CDK13: variants seen among roughly 807,000 people sequenced by gnomAD.
CDK13 encodes the protein cyclin dependent kinase 13.
CDK13 carries 40 observed loss-of-function variants against 137.6 expected under a neutral mutation model. That is an observed-to-expected ratio of 0.29 (90% CI 0.23 to 0.38). The LOEUF (loss-of-function observed/expected upper bound fraction) is 0.38, where lower values mean the gene tolerates loss of function less well. Among genes scored for constraint, CDK13 ranks in the 10% least tolerant of loss-of-function variants. The probability of loss-of-function intolerance (pLI) is 1.00; values close to 1 mark genes in which losing one functional copy is unlikely to be tolerated. For missense variants in CDK13, 1,704 were observed against 1,951.8 expected, an observed-to-expected ratio of 0.87 and a Z score of 2.39; for synonymous variants, 869 against 760.1, an observed-to-expected ratio of 1.14 and a Z score of -2.36.
intron 9 of CDK13, among the ~76,000 whole-genome samples, chr7:40,074,522 CAAAAAA>C (rs34228836): frequency 1.3e-5 from 1 of 78,076 alleles, no homozygotes; most frequent in South Asian, 4.5e-4. Flanking sequence ...GACACCATCT[CAAAAAA>C]AAAAAAAAAA....
intron 11 of CDK13, among the ~76,000 whole-genome samples, chr7:40,079,874 A>G (rs1408061197): frequency 6.6e-6 from 1 of 152,186 alleles, no homozygotes; most frequent in African/African-American, 2.4e-5. Flanking sequence ...GTAACTTCAA[A>G]TGGCTCCTGT....
At chr7:39,981,853 A>C (rs1039244693) in intron 1 of CDK13, among the ~76,000 whole-genome samples, 4 of 147,992 alleles carry the variant, frequency 2.7e-5, no homozygotes, top group African/African-American at 1.0e-4. Flanking sequence ...GTGCAGCGGC[A>C]CAATCTCGGC....
chr7:39,967,064 C>A (rs17496171), intron 1 of CDK13, among the ~76,000 whole-genome samples: 1 of 152,070 alleles, frequency 6.6e-6, no homozygotes, highest in African/African-American at 2.4e-5. Context: ...GGTTCAGGGA[C>A]CCACTTGAGG....
chr7:40,081,616 G>T (rs1053996595), intron 11 of CDK13, among the ~76,000 whole-genome samples: 1 of 151,988 alleles, frequency 6.6e-6, no homozygotes, highest in Admixed American at 6.6e-5. Flanking sequence ...TAAATTTCAC[G>T]TTTCCTGTGA....
chr7:40,018,272 G>A (rs1393613609), intron 5 of CDK13, among the ~76,000 whole-genome samples: 1 of 151,852 alleles, frequency 6.6e-6, no homozygotes, highest in Non-Finnish European at 1.5e-5. Flanking sequence ...AGAGTAATTA[G>A]GGATGTAGTA....
Position 40,055,156 on chromosome 7 carries a change from C to CTGTGTGTGTGTG in CDK13, c.2600+7309_2600+7320dup, listed in dbSNP as rs56001601. 2.3e-3 allele frequency among the ~76,000 whole-genome samples: 320 copies of CTGTGTGTGTGTG among 140,426 alleles called. 2 individuals carry two copies. The highest frequency in any genetic ancestry group is 7.8e-3 in the African/African-American group (294 of 37,464). The allele number at this position is 140,426 out of a possible 152,430, so 92.1% of individuals were successfully genotyped here. A position where few individuals can be genotyped will look rare whatever the true frequency, so the allele number is the denominator to read the frequency against. On this transcript the variant is annotated intron_variant, in intron 7 of 13. Transcript: ENST00000181839. ...GTTTTCCAATTTAATGGCAGAAGGA[C>CTGTGTGTGTGTG]TGTGTGTGTGTGTGTGTGTGTGTGT...
intron 7 of CDK13, chr7:40,048,878 C>G (rs898736959): frequency 2.6e-5 from 4 of 151,322 alleles, no homozygotes; most frequent in African/African-American, 7.4e-5. Flanking sequence ...TGTTTTGGAT[C>G]TATTCAAGTT....
rs188748717 is a variant in CDK13 at position 40,036,979 on chromosome 7, A to G, written c.2354-8857A>G. Among the ~76,000 whole-genome samples, 337 of 152,300 alleles carry G rather than the reference A, an allele frequency of 2.2e-3. 1 individual carries two copies. The highest frequency in any genetic ancestry group is 1.5e-3 in the Non-Finnish European group (104 of 68,020). On this transcript the variant is annotated intron_variant, in intron 5 of 13. Transcript: ENST00000181839. ...GATGGCATGTTATTCATATTAATTA[A>G]TATTTTAAGTCTCATAATTTATAGT...
chr7:40,088,949 A>C (rs769895632), intron 12 of CDK13, among the ~76,000 whole-genome samples: 23 of 152,048 alleles, frequency 1.5e-4, no homozygotes, highest in Non-Finnish European at 1.5e-5. Context: ...GCGTGGTGGC[A>C]CACACCTGTA....
chr7:39,987,864 T>A lies in CDK13; in HGVS notation c.1477T>A (p.Ser493Thr). 1 of 1,614,144 alleles carries A rather than the reference T, an allele frequency of 6.2e-7. No homozygotes were observed. Among genetic ancestry groups the A allele is most frequent in the Non-Finnish European group, 8.5e-7 (1 of 1,180,022 alleles). ...AAKAAKASNT[S>T]TPTKGNTETS... ...CAAGGCTGCAAAAGCTTCAAACACT[T>A]CTACACCTACCAAGGGGAACACGGA... is the stretch of plus-strand genomic sequence containing the variant. The change falls in exon 2 of 14, where the codon TCT (serine) becomes ACT (threonine). Residue 493 changes from serine to threonine, a missense_variant. Physicochemically the swap from Ser to Thr is moderately conservative, Grantham distance 58. This residue lies in a region of CDK13 where 1,051 missense variants were observed against 931.0 expected (regional missense o/e 1.13). Transcript: ENST00000181839.
At chr7:40,076,453 G>A (rs1386903599) in intron 9 of CDK13, among the ~76,000 whole-genome samples, 2 of 152,174 alleles carry the variant, frequency 1.3e-5, no homozygotes, top group Admixed American at 1.3e-4. Context: ...GGAGTGGCCT[G>A]TGGGGAGAGA....
intron 2 of CDK13, among the ~76,000 whole-genome samples, chr7:39,992,551 A>G (rs2116290468): frequency 6.6e-6 from 1 of 151,966 alleles, no homozygotes; most frequent in East Asian, 2.0e-4. Context: ...CCCAAGAATA[A>G]GGTCAGTCTC....
intron 2 of CDK13, among the ~76,000 whole-genome samples, chr7:39,989,887 G>A (rs1021490967): frequency 4.0e-5 from 6 of 151,088 alleles, no homozygotes; most frequent in Non-Finnish European, 5.9e-5. Context: ...GGTTCATGCC[G>A]TTCTTCTGCC....
chr7:40,015,750 T>A (rs555928084), intron 5 of CDK13, among the ~76,000 whole-genome samples: 13 of 151,922 alleles, frequency 8.6e-5, no homozygotes, highest in African/African-American at 2.9e-4. Flanking sequence ...TCCAGAAGTT[T>A]AAAAAAAAAA....
rs1787016371 is a variant in CDK13, at chr7:40,095,046, A to T, written c.*66A>T. ...GACTTTTCTAGCTGCAATTTAAGGCAGCAATCCAAGAGACTTGAATAATAA... is the reference window on the plus strand; with the variant it reads ...GACTTTTCTAGCTGCAATTTAAGGCTGCAATCCAAGAGACTTGAATAATAA... On this transcript the variant is annotated 3_prime_UTR_variant, in exon 14 of 14. Transcript: ENST00000181839. 4.7e-6 allele frequency: 6 copies of T among 1,285,300 alleles called. No individual in the cohort carries two copies. The highest frequency in any genetic ancestry group is 2.9e-5 in the Admixed American group (1 of 34,768). The allele number at this position is 1,285,300 out of a possible 1,614,324, so 79.6% of individuals were successfully genotyped here.
Position 40,068,088 on chromosome 7 carries a change from CA to C in CDK13, c.2780+5003del, listed in dbSNP as rs11380446. Reference sequence around the variant, plus strand: ...CCAGCCTGGGCGATTGAGACTGTCTCAAAAAAAAAAAAAAAGAAAAATTGTA... The same window carrying C: ...CCAGCCTGGGCGATTGAGACTGTCTCAAAAAAAAAAAAAAGAAAAATTGTA... On this transcript the variant is annotated intron_variant, in intron 9 of 13. Transcript: ENST00000181839. The C allele has an allele frequency of 9.9e-4, 123 of 124,378 alleles. 1 individual carries two copies. The highest frequency in any genetic ancestry group is 3.9e-3 in the Middle Eastern group (1 of 256). The allele number at this position is 124,378 out of a possible 1,614,324, so 7.7% of individuals were successfully genotyped here. A position where few individuals can be genotyped will look rare whatever the true frequency, so the allele number is the denominator to read the frequency against.
chr7:40,078,002 T>C lies in CDK13; in HGVS notation c.2781-3T>C, dbSNP rs1392583403. The C allele has an allele frequency of 6.1e-6, 9 of 1,480,706 alleles. No individual in the cohort carries two copies. The highest frequency in any genetic ancestry group is 7.3e-6 in the Non-Finnish European group (8 of 1,095,280). The allele number at this position is 1,480,706 out of a possible 1,614,324, so 91.7% of individuals were successfully genotyped here. A position where few individuals can be genotyped will look rare whatever the true frequency, so the allele number is the denominator to read the frequency against. On this transcript the variant is annotated splice_region_variant and splice_polypyrimidine_tract_variant and intron_variant, in intron 9 of 13. Transcript: ENST00000181839. ...GATGTACTTCCTTTTGTGTGTTGCT[T>C]AGCCGAATATGTGGGAGTCCATGTC...
chr7:39,951,681 G>T lies in CDK13; in HGVS notation c.1040G>T (p.Gly347Val). The T allele has an allele frequency of 5.5e-6, 8 of 1,463,668 alleles. No homozygotes were observed. Among genetic ancestry groups the T allele is most frequent in the African/African-American group, 1.5e-5 (1 of 68,056 alleles). 90.7% of individuals were successfully genotyped at this position (1,463,668 alleles called of 1,614,324 possible). Reference sequence around the variant, plus strand: ...AAGTCCCCCAGCCCGGCAGGAGGTGGCAGCAGCCCCTATTCTCGGCGGCTG... The same window carrying T: ...AAGTCCCCCAGCCCGGCAGGAGGTGTCAGCAGCCCCTATTCTCGGCGGCTG... Reference protein sequence around the residue: ...SRKSPSPAGGGSSPYSRRLPR... With the variant: ...SRKSPSPAGGVSSPYSRRLPR... The change falls in exon 1 of 14, where the codon GGC (glycine) becomes GTC (valine). Residue 347 changes from glycine (G) to valine (V), a missense_variant. Physicochemically the swap from Gly to Val is moderately radical, Grantham distance 109. Around this residue, in one of 5 missense-constraint regions of CDK13, gnomAD observed 1,051 missense variants for 931.0 expected, o/e 1.13. Coordinates refer to ENST00000181839, the MANE Select transcript of CDK13 (RefSeq NM_003718.5).
intron 1 of CDK13, among the ~76,000 whole-genome samples, chr7:39,963,625 CT>C (rs987920490): frequency 4.2e-4 from 64 of 152,280 alleles, no homozygotes; most frequent in African/African-American, 1.3e-3. Flanking sequence ...TTTCCTTCTC[CT>C]GCCTGATTGC....
Sources: gnomAD v4.1 joint callset for allele counts (sites outside exome capture counted in the v4.1 genomes callset) on GRCh38, gnomAD v4.1.1 for gene constraint, gnomAD v4.1.1 regional missense constraint, MANE v1.5 for transcripts, NCBI Gene and HGNC (gene_info 2026-07-23, HGNC 2026-07-21) for gene names.